The following CNTN5 variants were observed in gnomAD, a reference collection of about 807,000 sequenced individuals.
CNTN5 encodes contactin 5, also known as contactin-5.
In CNTN5, 77 loss-of-function variants were observed where a neutral mutation model predicts 129.1. The observed-to-expected ratio is 0.60, with a 90% confidence interval of 0.50 to 0.72. CNTN5 has a LOEUF of 0.72. CNTN5 is among the 30% of genes least tolerant of loss of function. The probability of loss-of-function intolerance (pLI) is 0.00; values close to 1 mark genes in which losing one functional copy is unlikely to be tolerated. For synonymous variants in CNTN5, 509 were observed against 465.6 expected (o/e 1.09, Z -1.20); for missense variants, 1,478 against 1,328.8 (o/e 1.11, Z -1.75).
At chr11:99,932,534 T>C (rs547461308) in intron 7 of CNTN5, among the ~76,000 whole-genome samples, 1 of 152,298 alleles carries the variant, frequency 6.6e-6, no homozygotes, top group South Asian at 2.1e-4. Flanking sequence ...AAAATAACTA[T>C]AGTATATGTA....
At chr11:99,678,525 G>A (rs962901146) in intron 3 of CNTN5, among the ~76,000 whole-genome samples, 6 of 152,058 alleles carry the variant, frequency 3.9e-5, no homozygotes, top group African/African-American at 1.4e-4. Flanking sequence ...ACTTATACGA[G>A]AAAGAAAATG....
intron 2 of CNTN5, among the ~76,000 whole-genome samples, chr11:99,357,956 GTCGC>G (rs1938799985): frequency 6.7e-6 from 1 of 150,302 alleles, no homozygotes; most frequent in Non-Finnish European, 1.5e-5. Flanking sequence ...GTAAGCCGAG[GTCGC>G]GCCACTGCAC....
chr11:99,091,078 G>A (rs987492012), intron 1 of CNTN5, among the ~76,000 whole-genome samples: 4 of 148,866 alleles, frequency 2.7e-5, no homozygotes, highest in African/African-American at 9.9e-5. Flanking sequence ...TGACTTTGCA[G>A]GAAATGCAGG....
chr11:100,194,800 T>C (rs1028851350), intron 15 of CNTN5, among the ~76,000 whole-genome samples: 4 of 151,818 alleles, frequency 2.6e-5, no homozygotes, highest in African/African-American at 9.7e-5. Flanking sequence ...TAAATGTATA[T>C]TAGTGGAAGA....
chr11:100,106,799 C>CTGTAATAG (rs1047322116), intron 13 of CNTN5, among the ~76,000 whole-genome samples: 1 of 152,058 alleles, frequency 6.6e-6, no homozygotes, highest in African/African-American at 2.4e-5. Context: ...GCCTCCCTCT[C>CTGTAATAG]TGTAATAGAA....
chr11:100,045,824 A>C (rs899267749), intron 9 of CNTN5, among the ~76,000 whole-genome samples: 6 of 152,188 alleles, frequency 3.9e-5, no homozygotes, highest in Admixed American at 3.9e-4. Context: ...TTTAAAAGAA[A>C]TTTAAATGTT....
intron 3 of CNTN5, among the ~76,000 whole-genome samples, chr11:99,789,048 C>G (rs10893898): frequency 2.0e-5 from 3 of 151,588 alleles, no homozygotes; most frequent in African/African-American, 7.2e-5. Flanking sequence ...CTCATTAACT[C>G]TGGGAATCTC....
At chr11:99,044,478 C>A (rs1214581381) in intron 1 of CNTN5, among the ~76,000 whole-genome samples, 1 of 152,090 alleles carries the variant, frequency 6.6e-6, no homozygotes, top group African/African-American at 2.4e-5. Flanking sequence ...GTCCTCATTT[C>A]CAAGCTCCAT....
chr11:99,302,381 A>G (rs1272469661), intron 1 of CNTN5, among the ~76,000 whole-genome samples: 1 of 151,772 alleles, frequency 6.6e-6, no homozygotes, highest in East Asian at 1.9e-4. Flanking sequence ...CATTAATGAA[A>G]GAAAGTCATC....
intron 9 of CNTN5, among the ~76,000 whole-genome samples, chr11:100,044,694 G>T (rs1258790383): frequency 6.6e-6 from 1 of 150,992 alleles, no homozygotes; most frequent in Non-Finnish European, 1.5e-5. Flanking sequence ...TGTTGTTTTT[G>T]ACTTACTTAA....
chr11:99,384,473 C>T (rs1236682451), intron 2 of CNTN5, among the ~76,000 whole-genome samples: 1 of 152,122 alleles, frequency 6.6e-6, no homozygotes, highest in East Asian at 1.9e-4. Flanking sequence ...GTGAATTTCA[C>T]CCCCAACCGA....
At chr11:99,162,274 A>ATT (rs1196839399) in intron 1 of CNTN5, among the ~76,000 whole-genome samples, 2 of 106,020 alleles carry the variant, frequency 1.9e-5, no homozygotes, top group Admixed American at 1.2e-4. Context: ...GTTCCTAGAC[A>ATT]TGTTTTTTTT....
intron 2 of CNTN5, among the ~76,000 whole-genome samples, chr11:99,555,147 G>A (rs1402114914): frequency 6.6e-6 from 1 of 151,890 alleles, no homozygotes; most frequent in Non-Finnish European, 1.5e-5. Flanking sequence ...TTATGATCTA[G>A]CTAGGGGAAA....
chr11:100,132,041 T>C (rs1411682833), intron 13 of CNTN5, among the ~76,000 whole-genome samples: 2 of 152,038 alleles, frequency 1.3e-5, no homozygotes, highest in African/African-American at 4.8e-5. Context: ...AGAGGAGGCC[T>C]TGGGAGTAGA....
intron 3 of CNTN5, among the ~76,000 whole-genome samples, chr11:99,628,951 T>C (rs1286133047): frequency 6.6e-6 from 1 of 152,060 alleles, no homozygotes; most frequent in Non-Finnish European, 1.5e-5. Context: ...GTGAGAGCAT[T>C]ATTGGAAAAA....
intron 3 of CNTN5, among the ~76,000 whole-genome samples, chr11:99,806,855 CATAA>C (rs1164986128): frequency 5.9e-5 from 8 of 136,462 alleles, no homozygotes; most frequent in African/African-American, 1.4e-4. Context: ...TACATAAATA[CATAA>C]ATAAATCAAT....
At chr11:100,051,377 AAC>A (rs1942945756) in intron 9 of CNTN5, among the ~76,000 whole-genome samples, 1 of 152,088 alleles carries the variant, frequency 6.6e-6, no homozygotes, top group African/African-American at 2.4e-5. Flanking sequence ...AGAAATTCAA[AAC>A]ACACATCTAA....
intron 8 of CNTN5, among the ~76,000 whole-genome samples, chr11:99,983,620 T>C (rs1217410489): frequency 6.6e-6 from 1 of 152,216 alleles, no homozygotes; most frequent in African/African-American, 2.4e-5. Flanking sequence ...AAAGGGTTGA[T>C]CTAGAGCCCT....
chr11:100,129,962 T>C (rs1397916883), intron 13 of CNTN5, among the ~76,000 whole-genome samples: 3 of 152,084 alleles, frequency 2.0e-5, no homozygotes, highest in Non-Finnish European at 2.9e-5. Flanking sequence ...TTTAACCTGA[T>C]TAGTACAACT....
Sources: allele counts gnomAD v4.1 joint callset (sites outside exome capture counted in the v4.1 genomes callset), GRCh38; gene constraint gnomAD v4.1.1; transcripts MANE v1.5; gene names NCBI Gene and HGNC (gene_info 2026-07-23, HGNC 2026-07-21).